The following RELCH variants were observed in gnomAD, a reference collection of about 807,000 sequenced individuals.
RELCH encodes RAB11 binding and LisH domain, coiled-coil and HEAT repeat containing, also known as RAB11-binding protein RELCH.
RELCH carries 41 observed loss-of-function variants against 150.3 expected under a neutral mutation model. That is an observed-to-expected ratio of 0.27 (90% CI 0.21 to 0.35). The LOEUF is 0.35. Among genes scored for constraint, RELCH ranks in the 10% least tolerant of loss-of-function variants. The pLI is 1.00. For synonymous variants in RELCH, 478 were observed against 531.8 expected (o/e 0.90, Z 1.39); for missense variants, 1,092 against 1,467.8 (o/e 0.74, Z 4.18).
intron 12 of RELCH, among the ~76,000 whole-genome samples, chr18:62,254,453 T>C (rs1427426953): frequency 1.3e-5 from 2 of 152,150 alleles, no homozygotes; most frequent in Admixed American, 1.3e-4. Flanking sequence ...TTTTGAGACT[T>C]ACTGAGCTAA....
At position 62,263,985 on chromosome 18, in the gene RELCH, G is replaced by A. The variant is rs929582804; in HGVS notation, c.2351-4G>A. The A allele has an allele frequency of 3.1e-6, 5 of 1,604,850 alleles. No individual in the cohort carries two copies. In the Admixed American group the frequency reaches 5.1e-5, roughly 16 times the overall value. On this transcript the variant is annotated splice_polypyrimidine_tract_variant and splice_region_variant and intron_variant, in intron 16 of 28. Coordinates refer to ENST00000644646, the MANE Select transcript of RELCH (RefSeq NM_001346231.2). Reference sequence around the variant, plus strand: ...ATGATTTATTTTGCTTCTTTTATGTGTAGTGACTAGGTTTCCTCGGCCTAT... The same window carrying A: ...ATGATTTATTTTGCTTCTTTTATGTATAGTGACTAGGTTTCCTCGGCCTAT...
intron 1 of RELCH, among the ~76,000 whole-genome samples, chr18:62,195,197 G>A (rs1599767712): frequency 6.6e-6 from 1 of 151,768 alleles, no homozygotes; most frequent in African/African-American, 2.4e-5. Flanking sequence ...TTGTAGCATC[G>A]TTGTAATGTT....
intron 6 of RELCH, 37 bp downstream of exon 6, chr18:62,227,529 A>C (rs1268769143): frequency 6.3e-7 from 1 of 1,584,684 alleles, no homozygotes; most frequent in Non-Finnish European, 8.7e-7. Flanking sequence ...GTCCACAGAA[A>C]GTATTTAAAC....
Position 62,277,067 on chromosome 18 carries a change from A to C in RELCH, c.2967+1594A>C, listed in dbSNP as rs375415531. The stretch of plus-strand genomic sequence containing the variant: ...CATAAAAGCTATTTCTTTTTCTTAA[A>C]TCTTTCATCTCTAAAATGTGAGTGT... On this transcript the variant is annotated intron_variant, in intron 22 of 28. Coordinates refer to ENST00000644646, the MANE Select transcript of RELCH (RefSeq NM_001346231.2). 5.9e-5 allele frequency among the ~76,000 whole-genome samples: 9 copies of C among 152,080 alleles called. No individual in the cohort carries two copies. The East Asian group carries it at 1.7e-3, about 29-fold the overall frequency.
intron 11 of RELCH, among the ~76,000 whole-genome samples, chr18:62,250,446 G>C (rs1016107808): frequency 2.0e-5 from 3 of 152,166 alleles, no homozygotes; most frequent in African/African-American, 7.2e-5. Context: ...ACAATGATCA[G>C]CTATTAGGAA....
rs1354241246 is a variant in RELCH at position 62,305,033 on chromosome 18, C to T, written c.3531-381C>T. ...AAAGAATAACTACTAACAATTACAT[C>T]ATGCTATTATGTGCCTAGCACTATA... On this transcript the variant is annotated intron_variant, in intron 28 of 28. Transcript: ENST00000644646. This position sits in a 1 kb window ranked among gnomAD's most constrained non-coding sequence, Gnocchi z 4.0. Among the ~76,000 whole-genome samples, 1 of 152,226 alleles carries T rather than the reference C, an allele frequency of 6.6e-6. No homozygotes were observed. The highest frequency in any genetic ancestry group is 1.5e-5 in the Non-Finnish European group (1 of 68,040).
intron 17 of RELCH, among the ~76,000 whole-genome samples, chr18:62,264,398 A>C (rs1229883068): frequency 5.9e-5 from 9 of 152,044 alleles, no homozygotes; most frequent in Non-Finnish European, 1.3e-4. Context: ...AACTACATCT[A>C]GACTTCTCAT....
chr18:62,261,025 A>G (rs577457537), intron 15 of RELCH, among the ~76,000 whole-genome samples: 132 of 152,174 alleles, frequency 8.7e-4, no homozygotes, highest in African/African-American at 3.1e-3. Context: ...TTTGAAAAAT[A>G]GCTAGAAGAG....
intron 7 of RELCH, 91 bp from the exon 8 acceptor site, chr18:62,228,214 T>C: frequency 9.7e-7 from 1 of 1,035,180 alleles, no homozygotes; most frequent in Non-Finnish European, 1.4e-6. Context: ...TTAAATATGC[T>C]TTTAAAACAT....
At chr18:62,264,528 T>C (rs2144726439) in intron 17 of RELCH, among the ~76,000 whole-genome samples, 1 of 152,254 alleles carries the variant, frequency 6.6e-6, no homozygotes, top group Admixed American at 6.6e-5. Context: ...ATATATTTTC[T>C]GGCAAACAGT....
rs146077180 is a variant in RELCH at position 62,210,878 on chromosome 18, TTTTG to T, written c.527-263_527-260del. Among the ~76,000 whole-genome samples the T allele has an allele frequency of 7.1e-3, 1,077 of 152,302 alleles. 14 individuals carry two copies. Among genetic ancestry groups the T allele is most frequent in the African/African-American group, 0.025 (1,029 of 41,568 alleles). The stretch of plus-strand genomic sequence containing the variant: ...TCTTAGGTGGCAGCTCAAACTTCTG[TTTTG>T]TTTGTTTGTTTTGTCCTTGCCTGGG... On this transcript the variant is annotated intron_variant, in intron 1 of 28. Transcript: ENST00000644646.
chr18:62,191,556 A>G lies in RELCH; in HGVS notation c.526+3525A>G, dbSNP rs536434906. 4.0e-5 allele frequency among the ~76,000 whole-genome samples: 6 copies of G among 151,846 alleles called. No homozygotes were observed. In the South Asian group the frequency reaches 8.3e-4, roughly 21 times the overall value. On this transcript the variant is annotated intron_variant, in intron 1 of 28. Coordinates refer to ENST00000644646, the MANE Select transcript of RELCH (RefSeq NM_001346231.2). Reference sequence around the variant, plus strand: ...GTATTATGCCCAGCACGCATTAGCTATTTTTCCTGATACTCTCCCCCTCAC... The same window carrying G: ...GTATTATGCCCAGCACGCATTAGCTGTTTTTCCTGATACTCTCCCCCTCAC...
chr18:62,294,869 C>T (rs77376404), intron 27 of RELCH, among the ~76,000 whole-genome samples: 2 of 151,860 alleles, frequency 1.3e-5, no homozygotes, highest in Non-Finnish European at 2.9e-5. Flanking sequence ...TTTTTTGAAC[C>T]GTTCATCCTT....
chr18:62,302,710 A>G (rs1600305145), intron 28 of RELCH, among the ~76,000 whole-genome samples: 1 of 152,092 alleles, frequency 6.6e-6, no homozygotes, highest in African/African-American at 2.4e-5. Flanking sequence ...TTTTTACTAG[A>G]GAGGGGGTTT....
At position 62,247,609 on chromosome 18, in the gene RELCH, T is replaced by C. The variant is rs1339210990; in HGVS notation, c.1733+2733T>C. ...CCCAGGCTGGAGTGCAGAGGCACAA[T>C]CATGGCTCACTGCAACCTCCACCTT... is the stretch of plus-strand genomic sequence containing the variant. On this transcript the variant is annotated intron_variant, in intron 11 of 28. Transcript: ENST00000644646. Among the ~76,000 whole-genome samples the C allele has an allele frequency of 2.6e-5, 4 of 151,430 alleles. No individual in the cohort carries two copies. The East Asian group carries it at 7.8e-4, about 30-fold the overall frequency.
At chr18:62,203,868 A>G (rs1022355462) in intron 1 of RELCH, among the ~76,000 whole-genome samples, 3 of 152,186 alleles carry the variant, frequency 2.0e-5, no homozygotes, top group Non-Finnish European at 4.4e-5. Context: ...AGTCCTAGCT[A>G]CTTGGAAGGC....
At chr18:62,204,197 T>G (rs1390946419) in intron 1 of RELCH, among the ~76,000 whole-genome samples, 1 of 152,174 alleles carries the variant, frequency 6.6e-6, no homozygotes, top group African/African-American at 2.4e-5. Flanking sequence ...TTATAGTACT[T>G]TTTTAATAAT....
chr18:62,266,712 G>A lies in RELCH; in HGVS notation c.2643G>A (p.Gln881=). 1 of 1,603,494 alleles carries A rather than the reference G, an allele frequency of 6.2e-7. No individual in the cohort carries two copies. Among genetic ancestry groups the A allele is most frequent in the Non-Finnish European group, 8.5e-7 (1 of 1,173,196 alleles). ...TTTGGGTTGCTTAGGTAAAACCTCA[G>A]TTCCAGGAGATTTTAAGACTATCTG... The part of the protein sequence containing the change: ...KIFTNTKVKP[Q]FQEILRLSEE... The change falls in exon 19 of 29, where the codon CAG becomes CAA. Residue 881 remains glutamine (Q), a synonymous_variant. Coordinates refer to ENST00000644646, the MANE Select transcript of RELCH (RefSeq NM_001346231.2).
At chr18:62,235,072 G>T (rs1291658781) in intron 10 of RELCH, 1 of 151,836 alleles carries the variant, frequency 6.6e-6, no homozygotes, top group Non-Finnish European at 1.5e-5. Context: ...AAGAGCTAAA[G>T]CTATGAAACA....
Sources: allele counts gnomAD v4.1 joint callset (sites outside exome capture counted in the v4.1 genomes callset), GRCh38; gene constraint gnomAD v4.1.1; non-coding constraint Gnocchi (gnomAD v3.1); transcripts MANE v1.5; gene names NCBI Gene and HGNC (gene_info 2026-07-23, HGNC 2026-07-21).